The following MICU3 variants were observed in gnomAD, a reference collection of about 807,000 sequenced individuals.
MICU3 encodes the protein mitochondrial calcium uptake 3.
In MICU3, 62 loss-of-function variants were observed where a neutral mutation model predicts 66.5. That is an observed-to-expected ratio of 0.93 (90% confidence interval 0.76 to 1.15). MICU3 has a LOEUF of 1.15. Ranked by LOEUF, MICU3 falls within the 50% of genes most tolerant of loss-of-function variation. The pLI is 0.00. For synonymous variants in MICU3, 308 were observed against 240.7 expected, an observed-to-expected ratio of 1.28 and a Z score of -2.59; for missense variants, 779 against 664.4, an observed-to-expected ratio of 1.17 and a Z score of -1.90.
At chr8:17,108,938 T>A (rs1801973278) in intron 11 of MICU3, among the ~76,000 whole-genome samples, 1 of 152,144 alleles carries the variant, frequency 6.6e-6, no homozygotes, top group South Asian at 2.1e-4. Flanking sequence ...CTTTACTGTT[T>A]CTCAAATCTT....
At chr8:17,076,125 C>T (rs972440347) in intron 3 of MICU3, among the ~76,000 whole-genome samples, 4 of 151,950 alleles carry the variant, frequency 2.6e-5, no homozygotes, top group Admixed American at 1.3e-4. Context: ...TTCCTGGGCT[C>T]AAGTGATTTT....
At position 17,077,839 on chromosome 8, in the gene MICU3, A is replaced by T. The variant is rs751884530; in HGVS notation, c.624A>T (p.Leu208=). 1 of 1,608,860 alleles carries T rather than the reference A, an allele frequency of 6.2e-7. No homozygotes were observed. The highest frequency in any genetic ancestry group is 1.1e-5 in the South Asian group (1 of 90,818). ...CAGTTTGGAAAGGCTCATCGAAGCT[A>T]TTTCGAAATCTTAAAGAAAAAGGTG... The part of the protein sequence containing the change: ...TPPVWKGSSK[L]FRNLKEKGVI... The change falls in exon 4 of 15, where the codon CTA becomes CTT. Residue 208 remains leucine (L), a synonymous_variant. Transcript: ENST00000318063.
At chr8:17,051,991 G>A (rs1816174863) in intron 1 of MICU3, among the ~76,000 whole-genome samples, 1 of 152,076 alleles carries the variant, frequency 6.6e-6, no homozygotes. Context: ...AGGTTGGCAG[G>A]GCCAGGGCAG....
rs572982537 is a variant in MICU3, at chr8:17,037,275, G to A, written c.381+9615G>A. Among the ~76,000 whole-genome samples the A allele has an allele frequency of 5.7e-4, 87 of 152,324 alleles. 3 individuals carry two copies. In the South Asian group the frequency reaches 0.015, roughly 27 times the overall value. On this transcript the variant is annotated intron_variant, in intron 1 of 14. Transcript: ENST00000318063. The stretch of plus-strand genomic sequence containing the variant: ...CAGAAAGGGGCTCCCACAGTGCAGC[G>A]GCGGGCCGAAGAGCTCCTCAAGTGC...
intron 1 of MICU3, among the ~76,000 whole-genome samples, chr8:17,057,921 C>T (rs1431822224): frequency 6.6e-6 from 1 of 151,920 alleles, no homozygotes; most frequent in East Asian, 1.9e-4. Context: ...GTTCTCAGAT[C>T]ACTGCAGCCT....
At chr8:17,064,698 T>G (rs1456159474) in intron 2 of MICU3, among the ~76,000 whole-genome samples, 4 of 152,174 alleles carry the variant, frequency 2.6e-5, no homozygotes, top group Non-Finnish European at 5.9e-5. Context: ...AGTATGTACA[T>G]TCTTGCAAAT....
At chr8:17,045,009 C>G (rs570807265) in intron 1 of MICU3, among the ~76,000 whole-genome samples, 3 of 151,712 alleles carry the variant, frequency 2.0e-5, no homozygotes, top group Non-Finnish European at 2.9e-5. Flanking sequence ...AAAAGGTAAC[C>G]TTTATTTCAT....
intron 11 of MICU3, among the ~76,000 whole-genome samples, chr8:17,109,193 G>A: frequency 6.6e-6 from 1 of 151,808 alleles, no homozygotes; most frequent in East Asian, 1.9e-4. Flanking sequence ...CTAACATACT[G>A]TATAATTTGC....
At chr8:17,095,394 C>G (rs1645216002) in intron 8 of MICU3, among the ~76,000 whole-genome samples, 1 of 151,790 alleles carries the variant, frequency 6.6e-6, no homozygotes, top group Admixed American at 6.6e-5. Flanking sequence ...TGCCATGTAA[C>G]TTTAAATAAC....
intron 1 of MICU3, among the ~76,000 whole-genome samples, chr8:17,054,561 T>G (rs1262144122): frequency 2.0e-5 from 3 of 152,122 alleles, no homozygotes; most frequent in Admixed American, 2.0e-4. Context: ...GGTAGTTCAG[T>G]CAGTTTTTGT....
rs1811199147 is a variant in MICU3, at chr8:17,027,520, G to C, written c.241G>C (p.Val81Leu). 7.8e-7 allele frequency: 1 copy of C among 1,284,578 alleles called. No homozygotes were observed. Among genetic ancestry groups the C allele is most frequent in the African/African-American group, 1.5e-5 (1 of 64,638 alleles). The allele number at this position is 1,284,578 out of a possible 1,614,324, so 79.6% of individuals were successfully genotyped here. ...GGCCGGCGGGGGGCTGGTCGGCCTG[G>C]TATGCTACCAGCTGTACGGGGACCC... ...AAAGGGLVGLVCYQLYGDPRA... is the reference protein window; with the variant it reads ...AAAGGGLVGLLCYQLYGDPRA... Residue 81 changes from valine to leucine, a missense_variant, in exon 1 of 15, where the codon GTA becomes CTA. Physicochemically the swap from Val to Leu is conservative, Grantham distance 32. Transcript: ENST00000318063.
At chr8:17,135,639 C>G in the MICU3 span, among the ~76,000 whole-genome samples, 3 of 152,068 alleles carry the variant, frequency 2.0e-5, no homozygotes, top group African/African-American at 7.2e-5. Context: ...TTGCATTGAT[C>G]ATAGCCTCCA....
chr8:17,117,709 A>G (rs1802817851), intron 13 of MICU3, among the ~76,000 whole-genome samples: 1 of 151,716 alleles, frequency 6.6e-6, no homozygotes, highest in Non-Finnish European at 1.5e-5. Context: ...CCCGGGTTCA[A>G]GAGATTCCCT....
At chr8:17,035,317 A>G (rs1812779839) in intron 1 of MICU3, among the ~76,000 whole-genome samples, 1 of 152,252 alleles carries the variant, frequency 6.6e-6, no homozygotes, top group Non-Finnish European at 1.5e-5. Flanking sequence ...ATAACCAAAA[A>G]TGTGGAAGTG....
At chr8:17,058,070 G>A (rs1356434826) in intron 1 of MICU3, among the ~76,000 whole-genome samples, 1 of 151,990 alleles carries the variant, frequency 6.6e-6, no homozygotes, top group African/African-American at 2.4e-5. Context: ...GGCTGGTCTC[G>A]AACTCCTGAC....
At chr8:17,119,578 G>T (rs1803032842) in intron 14 of MICU3, among the ~76,000 whole-genome samples, 1 of 116,966 alleles carries the variant, frequency 8.5e-6, no homozygotes, top group South Asian at 2.3e-4. Flanking sequence ...GATAGATAGA[G>T]GTGTTTCCCA....
intron 2 of MICU3, among the ~76,000 whole-genome samples, chr8:17,066,517 C>CTATATATATATATATA (rs71212675): frequency 1.6e-4 from 17 of 105,058 alleles, no homozygotes; most frequent in African/African-American, 6.5e-4. Flanking sequence ...TGTTAATAAT[C>CTATATATATATATATA]TATATATATA....
intron 1 of MICU3, among the ~76,000 whole-genome samples, chr8:17,053,252 C>T (rs183956169): frequency 1.3e-5 from 2 of 152,052 alleles, no homozygotes; most frequent in Non-Finnish European, 2.9e-5. Context: ...TAAATTGCCT[C>T]TTTTAGGGTA....
chr8:17,103,028 A>G (rs1801403059), intron 9 of MICU3, among the ~76,000 whole-genome samples: 1 of 152,022 alleles, frequency 6.6e-6, no homozygotes, highest in East Asian at 1.9e-4. Context: ...GATAATTTAA[A>G]GTACAGATGA....
Sources: gnomAD v4.1 joint callset for allele counts (sites outside exome capture counted in the v4.1 genomes callset) on GRCh38, gnomAD v4.1.1 for gene constraint, MANE v1.5 for transcripts, NCBI Gene and HGNC (gene_info 2026-07-23, HGNC 2026-07-21) for gene names.